The following LRP1B variants were observed in gnomAD, a reference collection of about 807,000 sequenced individuals.
The protein encoded by LRP1B is low-density lipoprotein receptor-related protein 1B.
A neutral mutation model predicts 556.6 loss-of-function variants in LRP1B; 217 were observed. The ratio of observed to expected loss-of-function variants is 0.39; its 90% CI spans 0.35 to 0.44. The LOEUF (loss-of-function observed/expected upper bound fraction) is 0.44, where lower values mean the gene tolerates loss of function less well. Ranked by LOEUF, LRP1B falls within the 20% of genes least tolerant of loss-of-function variation. The pLI is 1.00. For missense variants in LRP1B, 5,053 were observed against 5,620.8 expected (o/e 0.90, Z 3.23); for synonymous variants, 2,047 against 1,865.8 (o/e 1.10, Z -2.50).
intron 2 of LRP1B, among the ~76,000 whole-genome samples, chr2:141,661,430 T>C (rs1690217414): frequency 2.6e-5 from 4 of 152,202 alleles, no homozygotes; most frequent in Admixed American, 2.0e-4. Context: ...GTAAGAACCA[T>C]GATAAAACAT....
intron 84 of LRP1B, among the ~76,000 whole-genome samples, chr2:140,296,321 A>T (rs561056661): frequency 6.6e-6 from 1 of 152,314 alleles, no homozygotes; most frequent in African/African-American, 2.4e-5. Flanking sequence ...CATTATACAG[A>T]TGGACATATT....
intron 2 of LRP1B, among the ~76,000 whole-genome samples, chr2:141,496,472 A>C (rs960672936): frequency 2.6e-5 from 4 of 152,106 alleles, no homozygotes; most frequent in African/African-American, 7.2e-5. Flanking sequence ...AGTAGACTTA[A>C]AACTCAGTGC....
At chr2:142,010,554 C>CAAAAAAA (rs33927334) in intron 1 of LRP1B, among the ~76,000 whole-genome samples, 32 of 60,234 alleles carry the variant, frequency 5.3e-4, no homozygotes, top group East Asian at 5.0e-3. Flanking sequence ...GATTCTGTCT[C>CAAAAAAA]AAAAAAAAAA....
rs192883277 is a variant in LRP1B at position 140,833,501 on chromosome 2, T to C, written c.5209+6490A>G. Reference sequence around the variant, plus strand: ...TATGTATGCCTCACATTTATTTCAATGCTTAATATTACAAGTGTTTTGGGT... The same window carrying C: ...TATGTATGCCTCACATTTATTTCAACGCTTAATATTACAAGTGTTTTGGGT... On this transcript the variant is annotated intron_variant, in intron 31 of 90. Coordinates refer to ENST00000389484, the MANE Select transcript of LRP1B (RefSeq NM_018557.3). 5.9e-5 allele frequency among the ~76,000 whole-genome samples: 9 copies of C among 152,364 alleles called. No homozygotes were observed. The East Asian group carries it at 1.3e-3, about 23-fold the overall frequency.
chr2:140,720,616 C>T (rs1324782376), intron 35 of LRP1B, among the ~76,000 whole-genome samples: 1 of 151,950 alleles, frequency 6.6e-6, no homozygotes, highest in Non-Finnish European at 1.5e-5. Flanking sequence ...CTAAATCATG[C>T]AGGGTTCTGT....
chr2:140,520,611 T>G (rs1690121450), intron 49 of LRP1B, among the ~76,000 whole-genome samples: 1 of 151,710 alleles, frequency 6.6e-6, no homozygotes, highest in Non-Finnish European at 1.5e-5. Flanking sequence ...TAATTTTTTT[T>G]GGTGCCAGTT....
intron 1 of LRP1B, among the ~76,000 whole-genome samples, chr2:141,845,387 A>G (rs1234703530): frequency 2.6e-5 from 4 of 152,032 alleles, no homozygotes; most frequent in Non-Finnish European, 5.9e-5. Context: ...TTTTGGAAAT[A>G]TCAAATACGT....
At chr2:140,291,324 AT>A (rs1473416516) in intron 84 of LRP1B, among the ~76,000 whole-genome samples, 3 of 91,664 alleles carry the variant, frequency 3.3e-5, no homozygotes, top group East Asian at 2.5e-4. Context: ...ATATATTTTT[AT>A]TATACTTTAA....
intron 1 of LRP1B, among the ~76,000 whole-genome samples, chr2:141,849,407 T>C (rs1697766705): frequency 6.6e-6 from 1 of 151,678 alleles, no homozygotes; most frequent in Middle Eastern, 3.2e-3. Context: ...TGGCGTTGAC[T>C]TCGGCTTAAT....
chr2:141,116,374 A>G (rs1700898978), intron 7 of LRP1B, among the ~76,000 whole-genome samples: 1 of 152,166 alleles, frequency 6.6e-6, no homozygotes, highest in African/African-American at 2.4e-5. Context: ...TTCTTTTAAA[A>G]ATCGTTTCTG....
intron 3 of LRP1B, among the ~76,000 whole-genome samples, chr2:141,472,268 G>A (rs6731387): frequency 0.41 from 62,266 of 152,110 alleles, 13,298 homozygotes; most frequent in East Asian, 0.66. Flanking sequence ...AAAATTGGCC[G>A]GACACAGTGG....
chr2:140,760,018 A>T (rs902901745), intron 35 of LRP1B, among the ~76,000 whole-genome samples: 6 of 131,254 alleles, frequency 4.6e-5, no homozygotes, highest in African/African-American at 1.8e-4. Context: ...CTAGATAAAA[A>T]CTTCAAAGAA....
intron 60 of LRP1B, among the ~76,000 whole-genome samples, chr2:140,471,471 A>T (rs1687766995): frequency 6.6e-6 from 1 of 152,158 alleles, no homozygotes. Flanking sequence ...CAAATATTGG[A>T]ATTATTTTCC....
chr2:141,581,310 C>T (rs1293976706), intron 2 of LRP1B, among the ~76,000 whole-genome samples: 9 of 152,176 alleles, frequency 5.9e-5, no homozygotes, highest in Non-Finnish European at 1.3e-4. Flanking sequence ...CGATTTTGCC[C>T]TAGGTAATAC....
chr2:140,447,580 C>T (rs1215458692), intron 63 of LRP1B, among the ~76,000 whole-genome samples: 1 of 152,098 alleles, frequency 6.6e-6, no homozygotes, highest in Non-Finnish European at 1.5e-5. Context: ...CTATCCTGAC[C>T]ACTGAAAGTT....
intron 35 of LRP1B, among the ~76,000 whole-genome samples, chr2:140,722,782 G>C (rs556014207): frequency 1.3e-5 from 2 of 152,120 alleles, no homozygotes; most frequent in Non-Finnish European, 2.9e-5. Flanking sequence ...AGTGGCTCAC[G>C]CCTGTAATCC....
At chr2:140,694,827 CAATAT>C (rs1239691741) in intron 41 of LRP1B, among the ~76,000 whole-genome samples, 1 of 151,856 alleles carries the variant, frequency 6.6e-6, no homozygotes, top group African/African-American at 2.4e-5. Flanking sequence ...TTCACTAGTA[CAATAT>C]AATTTTTATT....
intron 66 of LRP1B, among the ~76,000 whole-genome samples, chr2:140,397,267 G>A (rs1684295439): frequency 6.6e-6 from 1 of 152,032 alleles, no homozygotes; most frequent in Non-Finnish European, 1.5e-5. Context: ...GTGGTTTGCT[G>A]CACCTATCAA....
intron 31 of LRP1B, among the ~76,000 whole-genome samples, chr2:140,825,765 A>T (rs78355810): frequency 0.019 from 2,952 of 152,240 alleles, 129 homozygotes; most frequent in East Asian, 0.17. Context: ...GGAAATCAAC[A>T]TTTGAACCAA....
Sources: gnomAD v4.1 joint callset for allele counts (sites outside exome capture counted in the v4.1 genomes callset) on GRCh38, gnomAD v4.1.1 for gene constraint, MANE v1.5 for transcripts, NCBI Gene and HGNC (gene_info 2026-07-23, HGNC 2026-07-21) for gene names.